ABTB2: variants seen among roughly 807,000 people sequenced by gnomAD.
The protein encoded by ABTB2 is ankyrin repeat and BTB domain containing 2.
ABTB2 carries 56 observed loss-of-function variants against 104.1 expected under a neutral mutation model. The ratio of observed to expected loss-of-function variants is 0.54; its 90% CI spans 0.43 to 0.67. The LOEUF is 0.67. ABTB2 is among the 30% of genes least tolerant of loss of function. The pLI is 0.00. For missense variants in ABTB2, 1,279 were observed against 1,407.7 expected, an observed-to-expected ratio of 0.91 and a Z score of 1.46; for synonymous variants, 606 against 608.2, an observed-to-expected ratio of 1.00 and a Z score of 0.05.
chr11:34,160,192 A>C (rs1018277341), intron 12 of ABTB2, 56 bp downstream of exon 12: 30 of 1,476,492 alleles, frequency 2.0e-5, no homozygotes, highest in African/African-American at 2.8e-5. Context: ...AGGAAGCAGG[A>C]AAGGGAAGAG....
In ABTB2 at chr11:34,172,805, T is replaced by C. The variant is rs142300013; in HGVS notation, c.1397+350A>G. The stretch of plus-strand genomic sequence containing the variant: ...TGCACCCAGGAAGGGCTCCATGTGG[T>C]GTCAATTACAGGAACAGAGGAAAGA... On this transcript the variant is annotated intron_variant, in intron 4 of 16. Transcript: ENST00000435224. Among the ~76,000 whole-genome samples, 357 of 152,256 alleles carry C rather than the reference T, an allele frequency of 2.3e-3. 2 individuals are homozygous for C. Among genetic ancestry groups the C allele is most frequent in the African/African-American group, 7.7e-3 (321 of 41,552 alleles).
intron 1 of ABTB2, among the ~76,000 whole-genome samples, chr11:34,267,378 A>T (rs1854264575): frequency 6.6e-6 from 1 of 151,740 alleles, no homozygotes; most frequent in Non-Finnish European, 1.5e-5. Flanking sequence ...TCTTTCCTGG[A>T]CCCCAACCCT....
intron 1 of ABTB2, among the ~76,000 whole-genome samples, chr11:34,230,145 C>T (rs564185339): frequency 4.6e-5 from 7 of 152,340 alleles, no homozygotes; most frequent in South Asian, 2.1e-4. Context: ...CATATGCATG[C>T]GCAAACACAC....
intron 1 of ABTB2, among the ~76,000 whole-genome samples, chr11:34,338,961 G>C (rs1855228925): frequency 6.6e-6 from 1 of 152,184 alleles, no homozygotes; most frequent in Admixed American, 6.5e-5. Context: ...ATCAGCAACA[G>C]TATCTACCTC....
At chr11:34,169,153 A>G (rs898034570) in intron 5 of ABTB2, among the ~76,000 whole-genome samples, 2 of 152,320 alleles carry the variant, frequency 1.3e-5, no homozygotes, top group South Asian at 4.1e-4. Context: ...CTCCCTGCGG[A>G]CAGACTTGAC....
In ABTB2 at chr11:34,160,239, C is replaced by T. The variant is rs570250062; in HGVS notation, c.2503+9G>A. On this transcript the variant is annotated intron_variant, in intron 12 of 16. Transcript: ENST00000435224. ...GTGGTGATGCAGGGCGCAGGGGGCG[C>T]GCCTTCACCTAGCCTGGCCGGCAGG... is the stretch of plus-strand genomic sequence containing the variant. 68 of 1,606,744 alleles carry T rather than the reference C, an allele frequency of 4.2e-5. No individual in the cohort carries two copies. The highest frequency in any genetic ancestry group is 4.9e-5 in the Non-Finnish European group (57 of 1,173,468).
chr11:34,323,717 C>T (rs960961256), intron 1 of ABTB2, among the ~76,000 whole-genome samples: 5 of 152,154 alleles, frequency 3.3e-5, no homozygotes, highest in Non-Finnish European at 7.3e-5. Context: ...AGAACAATCT[C>T]CATGAGAAGA....
intron 1 of ABTB2, among the ~76,000 whole-genome samples, chr11:34,242,710 G>A (rs1484608820): frequency 1.3e-5 from 2 of 152,154 alleles, no homozygotes; most frequent in South Asian, 2.1e-4. Flanking sequence ...TGGTGTAAGG[G>A]TGTATGACAG....
At chr11:34,163,395 C>G (rs897970711) in intron 9 of ABTB2, among the ~76,000 whole-genome samples, 2 of 152,202 alleles carry the variant, frequency 1.3e-5, no homozygotes, top group South Asian at 4.1e-4. Flanking sequence ...ATGTTAGACC[C>G]CACAGAGGAC....
intron 7 of ABTB2, among the ~76,000 whole-genome samples, chr11:34,165,873 C>T (rs536010652): frequency 1.2e-4 from 19 of 152,308 alleles, no homozygotes; most frequent in South Asian, 4.1e-4. Flanking sequence ...GGCTTCTTGT[C>T]GGAGAGGTAC....
In ABTB2 at chr11:34,160,447, A is replaced by G. The variant is rs557060288; in HGVS notation, c.2398-94T>C. ...CAGGCTAATTTCAAAAGTCCAGGCC[A>G]GGAGTAGTGCAGCCGCTATCTTTTG... On this transcript the variant is annotated intron_variant, in intron 11 of 16. Transcript: ENST00000435224. 26 of 857,380 alleles carry G rather than the reference A, an allele frequency of 3.0e-5. No homozygotes were observed. In the South Asian group the frequency reaches 3.6e-4, roughly 12 times the overall value. 53.1% of individuals were successfully genotyped at this position (857,380 alleles called of 1,614,324 possible). A position where few individuals can be genotyped will look rare whatever the true frequency, so the allele number is the denominator to read the frequency against.
intron 2 of ABTB2, among the ~76,000 whole-genome samples, chr11:34,198,928 T>G (rs1350913536): frequency 6.6e-6 from 1 of 152,110 alleles, no homozygotes; most frequent in Non-Finnish European, 1.5e-5. Flanking sequence ...AACCTTAAGG[T>G]GGAAGAAATG....
At chr11:34,260,201 G>T (rs10768056) in intron 1 of ABTB2, among the ~76,000 whole-genome samples, 45,672 of 152,056 alleles carry the variant, frequency 0.3, 8,699 homozygotes, top group African/African-American at 0.54. Flanking sequence ...GAGGACAGAA[G>T]TGTACCCACC....
At chr11:34,311,356 T>C (rs1359173768) in intron 1 of ABTB2, among the ~76,000 whole-genome samples, 2 of 152,342 alleles carry the variant, frequency 1.3e-5, no homozygotes, top group Admixed American at 6.5e-5. Flanking sequence ...AAGGTGATAT[T>C]TAGTCCTGAG....
Position 34,356,858 on chromosome 11 carries a change from G to A in ABTB2, c.726C>T (p.Ile242=), listed in dbSNP as rs1486500815. The change falls in exon 1 of 17, where the codon ATC becomes ATT. Residue 242 remains isoleucine (I), a synonymous_variant. Coordinates refer to ENST00000435224, the MANE Select transcript of ABTB2 (RefSeq NM_145804.3). The surrounding 1 kb of genome is among the most constrained non-coding windows in gnomAD (Gnocchi z 4.6). ...TACMENLVEE[I]RARVMASHSP... is the part of the protein sequence containing the mutation. Reference sequence around the variant, plus strand: ...TGTGGCTGGCCATCACCCTGGCCCGGATCTCCTCCACCAGGTTCTCCATGC... The same window carrying A: ...TGTGGCTGGCCATCACCCTGGCCCGAATCTCCTCCACCAGGTTCTCCATGC... The A allele has an allele frequency of 6.2e-7, 1 of 1,605,558 alleles. No homozygotes were observed. The highest frequency in any genetic ancestry group is 8.5e-7 in the Non-Finnish European group (1 of 1,176,248).
At chr11:34,162,894 C>A in intron 9 of ABTB2, 89 bp from the exon 10 acceptor site, 1 of 1,301,762 alleles carries the variant, frequency 7.7e-7, no homozygotes, top group Non-Finnish European at 1.1e-6. Context: ...CCTGCCCCGA[C>A]GGGCTGCTCT....
intron 1 of ABTB2, among the ~76,000 whole-genome samples, chr11:34,286,316 G>A (rs112794637): frequency 5.3e-5 from 8 of 152,032 alleles, no homozygotes; most frequent in African/African-American, 1.4e-4. Context: ...TATTTGAGAC[G>A]GAGTCTTGCT....
intron 1 of ABTB2, among the ~76,000 whole-genome samples, chr11:34,334,414 A>G (rs1345527805): frequency 6.6e-6 from 1 of 152,184 alleles, no homozygotes; most frequent in East Asian, 1.9e-4. Context: ...CAGAAAGGGT[A>G]TGAATGGTGG....
rs955923491 is a variant in ABTB2, at chr11:34,356,097, G to A, written c.883+604C>T. Among the ~76,000 whole-genome samples, 1 of 152,096 alleles carries A rather than the reference G, an allele frequency of 6.6e-6. No homozygotes were observed. Among genetic ancestry groups the A allele is most frequent in the Admixed American group, 6.5e-5 (1 of 15,272 alleles). On this transcript the variant is annotated intron_variant, in intron 1 of 16. Coordinates refer to ENST00000435224, the MANE Select transcript of ABTB2 (RefSeq NM_145804.3). The surrounding 1 kb of genome is among the most constrained non-coding windows in gnomAD (Gnocchi z 4.6). ...GGGGTCCCCAGGTTTCATCATTCCTGGGCACATATAGGTAAGAGCGAACCA... is the reference window on the plus strand; with the variant it reads ...GGGGTCCCCAGGTTTCATCATTCCTAGGCACATATAGGTAAGAGCGAACCA...
Sources: allele counts gnomAD v4.1 joint callset (sites outside exome capture counted in the v4.1 genomes callset), GRCh38; gene constraint gnomAD v4.1.1; non-coding constraint Gnocchi (gnomAD v3.1); transcripts MANE v1.5; gene names NCBI Gene and HGNC (gene_info 2026-07-23, HGNC 2026-07-21).